NAV1: variants seen among roughly 807,000 people sequenced by gnomAD.
The protein encoded by NAV1 is neuron navigator 1.
A neutral mutation model predicts 175.2 loss-of-function variants in NAV1; 18 were observed. The observed-to-expected ratio is 0.10, with a 90% CI of 0.07 to 0.15. The LOEUF is 0.15. NAV1 is among the 10% of genes least tolerant of loss of function. NAV1 has a pLI of 1.00. For synonymous variants in NAV1, 897 were observed against 978.7 expected (o/e 0.92, Z 1.56); for missense variants, 1,731 against 2,436.6 (o/e 0.71, Z 6.10).
At chr1:201,690,114 A>G (rs56317139) in intron 1 of NAV1, among the ~76,000 whole-genome samples, 3 of 82,338 alleles carry the variant, frequency 3.6e-5, no homozygotes, top group African/African-American at 4.9e-5. Context: ...GTGGCAGAGT[A>G]TGTCTATTTC....
Position 201,808,472 on chromosome 1 carries a change from G to A in NAV1, c.3900G>A (p.Glu1300=). The change falls in exon 19 of 30, where the codon GAG becomes GAA. Residue 1300 remains glutamate, a synonymous_variant. Transcript: ENST00000367296. The surrounding 1 kb of genome is among the most constrained non-coding windows in gnomAD (Gnocchi z 5.5). ...GGCTGTTCCATGCAAATGAGGAGGA[G>A]GAGCCAGAGAAGAAGGAGGTATCGG... 6.2e-7 allele frequency: 1 copy of A among 1,614,256 alleles called. No individual in the cohort carries two copies. The highest frequency in any genetic ancestry group is 1.1e-5 in the South Asian group (1 of 91,086).
rs200784359 is a variant in NAV1, at chr1:201,788,549, G to T, written c.3077G>T (p.Ser1026Ile). 3.2e-5 allele frequency: 51 copies of T among 1,614,046 alleles called. No homozygotes were observed. The highest frequency in any genetic ancestry group is 4.2e-5 in the Non-Finnish European group (50 of 1,180,036). The change falls in exon 10 of 30, where the codon AGC becomes ATC. Residue 1026 changes from serine (S) to isoleucine (I), a missense_variant. By Grantham distance (142) the Ser-to-Ile change is moderately radical (BLOSUM62 -2). This residue lies in a region of NAV1 where 634 missense variants were observed against 766.8 expected (regional missense o/e 0.83). Coordinates refer to ENST00000367296, the Ensembl canonical transcript of NAV1. This position sits in a 1 kb window ranked among gnomAD's most constrained non-coding sequence, Gnocchi z 5.7. ...CACGAGGCGGCCTTCGAGCTGTACA[G>T]CGGCTCCCAAATGGGGAGCACCCTG... is the stretch of plus-strand genomic sequence containing the variant.
At chr1:201,623,024 C>G (rs1423450764) in exon 1 of NAV1, 1 of 985,974 alleles carries the variant, frequency 1.0e-6, no homozygotes, top group Admixed American at 6.1e-5. Flanking sequence ...GCCGGCCTGG[C>G]CCTGAGCCCA....
At chr1:201,646,475 G>GT (rs1404376240), upstream of NAV1, among the ~76,000 whole-genome samples, 1 of 152,076 alleles carries the variant, frequency 6.6e-6, no homozygotes, top group Non-Finnish European at 1.5e-5. Flanking sequence ...GTCTTGTATT[G>GT]TCTACCTTGT....
intron 2 of NAV1, among the ~76,000 whole-genome samples, chr1:201,642,557 T>TTTCTTCCTTCCTTCCTCTTTC (rs1571858664): frequency 1.9e-5 from 2 of 106,016 alleles, no homozygotes; most frequent in Non-Finnish European, 3.8e-5. Flanking sequence ...TTCTTTCTTT[T>TTTCTTCCTTCCTTCCTCTTTC]TTCCCTTTCT....
At chr1:201,768,761 C>T (rs1675376383) in intron 3 of NAV1, among the ~76,000 whole-genome samples, 2 of 151,934 alleles carry the variant, frequency 1.3e-5, no homozygotes, top group African/African-American at 4.8e-5. Flanking sequence ...ATGAAAGTGC[C>T]CAGGTTTGAC....
intron 1 of NAV1, among the ~76,000 whole-genome samples, chr1:201,544,650 C>T (rs1665615467): frequency 6.6e-6 from 1 of 152,168 alleles, no homozygotes; most frequent in Non-Finnish European, 1.5e-5. Context: ...TGACTTCCAC[C>T]CATCGCTGAA....
intron 3 of NAV1, among the ~76,000 whole-genome samples, chr1:201,744,313 TA>T (rs1673628664): frequency 9.4e-6 from 1 of 106,164 alleles, no homozygotes; most frequent in Admixed American, 1.1e-4. Context: ...TGTATGTATG[TA>T]TGTATTTATT....
At chr1:201,630,273 C>T (rs1192056942) in intron 2 of NAV1, among the ~76,000 whole-genome samples, 2 of 152,324 alleles carry the variant, frequency 1.3e-5, no homozygotes, top group East Asian at 3.9e-4. Flanking sequence ...TGAGGCTGCA[C>T]ACTGCAGGGA....
At chr1:201,728,870 G>A (rs150955940) in intron 3 of NAV1, among the ~76,000 whole-genome samples, 1 of 152,344 alleles carries the variant, frequency 6.6e-6, no homozygotes, top group African/African-American at 2.4e-5. Context: ...GTTGGAGTAA[G>A]CCAGGTATTC....
intron 1 of NAV1, among the ~76,000 whole-genome samples, chr1:201,691,666 C>T (rs372845259): frequency 1.3e-5 from 2 of 152,178 alleles, no homozygotes; most frequent in African/African-American, 4.8e-5. Context: ...AACAGAATAG[C>T]GGCTTGTATG....
In NAV1 at chr1:201,788,872, G is replaced by A. The variant is rs1293382883; in HGVS notation, c.3166+234G>A. On this transcript the variant is annotated intron_variant, in intron 10 of 29. Transcript: ENST00000367296. This position sits in a 1 kb window ranked among gnomAD's most constrained non-coding sequence, Gnocchi z 5.7. ...GATGGAGCATCCATCACTGGGGCTG[G>A]GGGAGGGAAATTGAGCATGGAAGGG... 1.3e-5 allele frequency among the ~76,000 whole-genome samples: 2 copies of A among 152,162 alleles called. No homozygotes were observed. Among genetic ancestry groups the A allele is most frequent in the Non-Finnish European group, 2.9e-5 (2 of 68,026 alleles).
intron 3 of NAV1, among the ~76,000 whole-genome samples, chr1:201,737,793 G>A (rs963279564): frequency 6.6e-6 from 1 of 152,310 alleles, no homozygotes; most frequent in Non-Finnish European, 1.5e-5. Context: ...GCTAGATCTG[G>A]AGAAAAACAT....
chr1:201,797,659 T>G (rs1463887964), intron 15 of NAV1: 1 of 152,248 alleles, frequency 6.6e-6, no homozygotes, highest in Non-Finnish European at 1.5e-5. Context: ...TATCTAAATA[T>G]TCTTTCATTT....
chr1:201,574,582 G>T (rs577443978), intron 1 of NAV1, among the ~76,000 whole-genome samples: 94 of 152,288 alleles, frequency 6.2e-4, no homozygotes, highest in African/African-American at 2.2e-3. Context: ...TATCCCAGTA[G>T]CTTACTGAGC....
At chr1:201,660,171 G>A (rs2102353696) in intron 1 of NAV1, among the ~76,000 whole-genome samples, 1 of 152,334 alleles carries the variant, frequency 6.6e-6, no homozygotes, top group Non-Finnish European at 1.5e-5. Flanking sequence ...AGTCACAACA[G>A]CAGGGAAGGC....
intron 14 of NAV1, chr1:201,794,215 G>A (rs775020539): frequency 1.7e-5 from 11 of 631,046 alleles, no homozygotes; most frequent in Middle Eastern, 2.5e-4. Context: ...GCACTGGCGC[G>A]ATCTTGGCTA....
upstream of NAV1, among the ~76,000 whole-genome samples, chr1:201,618,355 G>A (rs370732497): frequency 1.7e-4 from 26 of 152,172 alleles, no homozygotes; most frequent in African/African-American, 6.3e-4. Flanking sequence ...TACCACCGAA[G>A]GCAAACAGCG....
chr1:201,609,460 C>T (rs1367433895), intron 2 of NAV1, among the ~76,000 whole-genome samples: 1 of 152,230 alleles, frequency 6.6e-6, no homozygotes, highest in Non-Finnish European at 1.5e-5. Context: ...TCTCCTGTCC[C>T]GGCACCAAGG....
Sources: allele counts gnomAD v4.1 joint callset (sites outside exome capture counted in the v4.1 genomes callset), GRCh38; gene constraint gnomAD v4.1.1; regional missense constraint gnomAD v4.1.1; non-coding constraint Gnocchi (gnomAD v3.1); transcripts MANE v1.5; gene names NCBI Gene and HGNC (gene_info 2026-07-23, HGNC 2026-07-21).